Variants in DPP10 observed in about 807,000 individuals in gnomAD.
DPP10 encodes dipeptidyl peptidase like 10.
A neutral mutation model predicts 120.9 loss-of-function variants in DPP10; 33 were observed. The observed-to-expected ratio is 0.27, with a 90% confidence interval of 0.21 to 0.37. The LOEUF (loss-of-function observed/expected upper bound fraction) is 0.37, where lower values mean the gene tolerates loss of function less well. DPP10 is among the 10% of genes least tolerant of loss of function. The pLI is 1.00. For synonymous variants in DPP10, 337 were observed against 326.1 expected (o/e 1.03, Z -0.36); for missense variants, 816 against 942.8 (o/e 0.87, Z 1.76).
intron 1 of DPP10, among the ~76,000 whole-genome samples, chr2:115,247,532 G>C (rs964476768): frequency 1.3e-5 from 2 of 152,006 alleles, no homozygotes; most frequent in Admixed American, 1.3e-4. Context: ...AGCCCTAGAG[G>C]GAAGAGCGAA....
At chr2:115,306,441 T>A (rs1409801159) in intron 1 of DPP10, among the ~76,000 whole-genome samples, 1 of 152,108 alleles carries the variant, frequency 6.6e-6, no homozygotes, top group Non-Finnish European at 1.5e-5. Context: ...CAAAAGCAGA[T>A]TGTGCTGGCT....
chr2:114,749,922 A>C (rs1574099908), intron 1 of DPP10, among the ~76,000 whole-genome samples: 1 of 152,166 alleles, frequency 6.6e-6, no homozygotes, highest in Non-Finnish European at 1.5e-5. Context: ...AAAGGAGTAT[A>C]TTTAGTGTGA....
chr2:115,023,602 TA>T lies in DPP10; in HGVS notation c.61-285636del, dbSNP rs537319661. On this transcript the variant is annotated intron_variant, in intron 1 of 25. Transcript: ENST00000410059. Reference sequence around the variant, plus strand: ...ACAGTGTGGAGATTCCTTAAAGAACTAGAAGTAGATCTGCTGTTCGATCCAG... The same window carrying T: ...ACAGTGTGGAGATTCCTTAAAGAACTGAAGTAGATCTGCTGTTCGATCCAG... 3.3e-5 allele frequency among the ~76,000 whole-genome samples: 5 copies of T among 152,254 alleles called. No homozygotes were observed. In the East Asian group the frequency reaches 7.7e-4, roughly 23 times the overall value.
chr2:114,830,663 T>A (rs570414311), intron 1 of DPP10, among the ~76,000 whole-genome samples: 70 of 152,306 alleles, frequency 4.6e-4, no homozygotes, highest in African/African-American at 1.2e-3. Context: ...TTATTTTTTT[T>A]AAAACCACTT....
At chr2:115,312,943 GC>G (rs1424326856) in intron 2 of DPP10, among the ~76,000 whole-genome samples, 1 of 152,048 alleles carries the variant, frequency 6.6e-6, no homozygotes, top group Non-Finnish European at 1.5e-5. Flanking sequence ...TGGCAGTCAG[GC>G]CGGACGCGAT....
chr2:115,259,767 A>G (rs1260751664), intron 1 of DPP10, among the ~76,000 whole-genome samples: 6 of 152,114 alleles, frequency 3.9e-5, no homozygotes, highest in African/African-American at 7.2e-5. Context: ...ACATATTTGT[A>G]TTGAATGAAT....
rs559804579 is a variant in DPP10, at chr2:115,333,773, G to C, written c.176-10044G>C. Reference sequence around the variant, plus strand: ...GGCCCCCACTCTCTTCTGGCTTATAGGGTTTCTGCCGAGAGATCCGCTGTT... The same window carrying C: ...GGCCCCCACTCTCTTCTGGCTTATACGGTTTCTGCCGAGAGATCCGCTGTT... On this transcript the variant is annotated intron_variant, in intron 2 of 25. Transcript: ENST00000410059. 1.7e-3 allele frequency among the ~76,000 whole-genome samples: 264 copies of C among 152,088 alleles called. 1 individual carries two copies. Among genetic ancestry groups the C allele is most frequent in the Middle Eastern group, 0.01 (3 of 294 alleles).
At chr2:114,460,869 T>C (rs947145153) in intron 1 of DPP10, among the ~76,000 whole-genome samples, 4 of 152,214 alleles carry the variant, frequency 2.6e-5, no homozygotes, top group Admixed American at 2.0e-4. Context: ...GATGAAATGT[T>C]TCCTAACAGA....
chr2:115,258,568 TAATA>T (rs2059111616), intron 1 of DPP10, among the ~76,000 whole-genome samples: 1 of 151,992 alleles, frequency 6.6e-6, no homozygotes, highest in African/African-American at 2.4e-5. Flanking sequence ...TAATTTGTAA[TAATA>T]AATAAACATG....
chr2:114,802,149 G>C (rs1248611483), intron 1 of DPP10, among the ~76,000 whole-genome samples: 1 of 152,052 alleles, frequency 6.6e-6, no homozygotes, highest in Non-Finnish European at 1.5e-5. Context: ...AGAAGTAAAA[G>C]AATATAAATT....
chr2:115,309,479 A>G, intron 2 of DPP10, 126 bp downstream of exon 2: 1 of 760,490 alleles, frequency 1.3e-6, no homozygotes, highest in Non-Finnish European at 2.0e-6. Flanking sequence ...GGAATTTGGA[A>G]AAAAAGCATA....
rs567606151 is a variant in DPP10 at position 114,982,077 on chromosome 2, G to A, written c.61-327162G>A. Among the ~76,000 whole-genome samples the A allele has an allele frequency of 4.0e-5, 6 of 151,468 alleles. No homozygotes were observed. In the East Asian group the frequency reaches 9.8e-4, roughly 25 times the overall value. On this transcript the variant is annotated intron_variant, in intron 1 of 25. Coordinates refer to ENST00000410059, the MANE Select transcript of DPP10 (RefSeq NM_020868.6). Reference sequence around the variant, plus strand: ...GCCCAGCTAATTTTTGTCTTTTTTGGTAGAGATGGGGTTTCACCATTTTGG... The same window carrying A: ...GCCCAGCTAATTTTTGTCTTTTTTGATAGAGATGGGGTTTCACCATTTTGG...
At chr2:115,491,030 A>G (rs561991581) in intron 3 of DPP10, among the ~76,000 whole-genome samples, 2 of 152,130 alleles carry the variant, frequency 1.3e-5, no homozygotes, top group Non-Finnish European at 2.9e-5. Flanking sequence ...AGGCAGCAGG[A>G]TCACTTGAAC....
intron 1 of DPP10, among the ~76,000 whole-genome samples, chr2:114,667,767 G>A (rs1376523996): frequency 1.3e-5 from 2 of 152,186 alleles, no homozygotes; most frequent in Non-Finnish European, 2.9e-5. Context: ...GAACTAAATT[G>A]TGTGAGTGCT....
chr2:115,024,613 A>G (rs926441656), intron 1 of DPP10, among the ~76,000 whole-genome samples: 1 of 150,930 alleles, frequency 6.6e-6, no homozygotes, highest in Non-Finnish European at 1.5e-5. Context: ...TGGGATATAC[A>G]TAACCTTAAA....
chr2:114,714,199 A>G (rs928340768), intron 1 of DPP10, among the ~76,000 whole-genome samples: 3 of 151,884 alleles, frequency 2.0e-5, no homozygotes, highest in African/African-American at 7.3e-5. Context: ...TCCTAAAGTC[A>G]TGAAATCTAT....
chr2:115,377,535 G>C (rs1358681860), intron 3 of DPP10, among the ~76,000 whole-genome samples: 1 of 152,064 alleles, frequency 6.6e-6, no homozygotes, highest in East Asian at 1.9e-4. Flanking sequence ...TTCTTTTGCT[G>C]TGAAGAAGCT....
At chr2:115,006,941 A>T (rs1384743401) in intron 1 of DPP10, among the ~76,000 whole-genome samples, 1 of 152,142 alleles carries the variant, frequency 6.6e-6, no homozygotes, top group Admixed American at 6.5e-5. Flanking sequence ...CACCACACCT[A>T]TTCCAAAACT....
intron 1 of DPP10, among the ~76,000 whole-genome samples, chr2:115,079,721 G>A (rs1708109260): frequency 6.6e-6 from 1 of 152,310 alleles, no homozygotes; most frequent in African/African-American, 2.4e-5. Context: ...AAGTGAGAGA[G>A]AAGTGTCTAG....
Sources: allele counts gnomAD v4.1 joint callset (sites outside exome capture counted in the v4.1 genomes callset), GRCh38; gene constraint gnomAD v4.1.1; transcripts MANE v1.5; gene names NCBI Gene and HGNC (gene_info 2026-07-23, HGNC 2026-07-21).